The following TH variants were observed in gnomAD, a reference collection of about 807,000 sequenced individuals.
The protein encoded by TH is tyrosine hydroxylase.
TH carries 49 observed loss-of-function variants against 57.4 expected under a neutral mutation model. The ratio of observed to expected loss-of-function variants is 0.85; its 90% CI spans 0.68 to 1.08. The LOEUF (loss-of-function observed/expected upper bound fraction) is 1.08, where lower values mean the gene tolerates loss of function less well. Ranked by LOEUF, TH falls within the 50% of genes least tolerant of loss-of-function variation. The pLI is 0.00. For synonymous variants in TH, 330 were observed against 304.5 expected, an observed-to-expected ratio of 1.08 and a Z score of -0.87; for missense variants, 720 against 696.7, an observed-to-expected ratio of 1.03 and a Z score of -0.38.
chr11:2,165,140 C>A, intron 12 of TH, 92 bp downstream of exon 12: 1 of 1,596,080 alleles, frequency 6.3e-7, no homozygotes, highest in Non-Finnish European at 8.6e-7. Context: ...GACCTGGGCT[C>A]ACAGGTCCAG....
Position 2,166,942 on chromosome 11 carries a change from G to T in TH, c.786C>A (p.Ser262Arg). ...LEAFALLERF[S>R]GYREDNIPQL... is the part of the protein sequence containing the mutation. ...GGGGGATATTGTCTTCCCGGTAGCC[G>T]CTGAAGCGCTCCAGCAAAGCAAAGG... Residue 262 changes from serine to arginine, a missense_variant, in exon 7 of 13, where the codon AGC (serine) becomes AGA (arginine). Coordinates refer to ENST00000352909, the MANE Select transcript of TH (RefSeq NM_000360.4). 1.9e-6 allele frequency: 3 copies of T among 1,598,520 alleles called. No homozygotes were observed. Among genetic ancestry groups the T allele is most frequent in the Admixed American group, 1.7e-5 (1 of 58,002 alleles).
chr11:2,165,498 C>A (rs947746106), intron 11 of TH, 133 bp from the exon 12 acceptor site: 4 of 1,453,430 alleles, frequency 2.8e-6, no homozygotes, highest in Non-Finnish European at 3.8e-6. Flanking sequence ...CCTTCGGAGG[C>A]CTGGGATAAT....
At chr11:2,167,084 A>AGG (rs1846119513) in intron 6 of TH, 52 bp from the exon 7 acceptor site, 1 of 1,547,690 alleles carries the variant, frequency 6.5e-7, no homozygotes, top group African/African-American at 1.4e-5. Flanking sequence ...AGTGCCCGAA[A>AGG]CCCCCCTCCT....
At chr11:2,168,314 C>A (rs1006933836) in intron 3 of TH, 135 bp from the exon 4 acceptor site, 6 of 1,348,842 alleles carry the variant, frequency 4.4e-6, no homozygotes, top group Middle Eastern at 1.9e-4. Context: ...CGGGGGGATC[C>A]TGGAGTGGCC....
chr11:2,165,884 G>A (rs1301206984), intron 10 of TH, 118 bp downstream of exon 10: 3 of 1,495,546 alleles, frequency 2.0e-6, no homozygotes, highest in Non-Finnish European at 2.7e-6. Context: ...GCAGGCCAGG[G>A]TGAGGGTCAC....
chr11:2,165,566 G>T, intron 11 of TH, 102 bp downstream of exon 11: 1 of 1,363,540 alleles, frequency 7.3e-7, no homozygotes, highest in Non-Finnish European at 1.0e-6. Context: ...GAGTCCTGGA[G>T]GTCCAGGCCT....
At position 2,165,338 on chromosome 11, in the gene TH, G is replaced by T. The variant is rs575326605; in HGVS notation, c.1228C>A (p.Arg410=). Residue 410 remains arginine, a synonymous_variant, in exon 12 of 13, where the codon CGG becomes AGG. Coordinates refer to ENST00000352909, the MANE Select transcript of TH (RefSeq NM_000360.4). ...LHCLSEEPEI[R]AFDPEAAAVQ... ...GCCGCAGCCTCAGGGTCGAAGGCCC[G>T]AATCTCAGGCTCCTCAGACAGGCAG... 2.0e-5 allele frequency: 33 copies of T among 1,611,846 alleles called. No individual in the cohort carries two copies. In the East Asian group the frequency reaches 2.5e-4, roughly 12 times the overall value.
chr11:2,170,356 C>T lies in TH; in HGVS notation c.91-485G>A, dbSNP rs113717652. Among the ~76,000 whole-genome samples, 7 of 152,170 alleles carry T rather than the reference C, an allele frequency of 4.6e-5. No individual in the cohort carries two copies. In the East Asian group the frequency reaches 1.4e-3, roughly 30 times the overall value. On this transcript the variant is annotated intron_variant, in intron 1 of 12. Transcript: ENST00000352909. The surrounding 1 kb of genome is among the most constrained non-coding windows in gnomAD (Gnocchi z 6.0). ...CGCACAGGGGACCCTTTCTCACACT[C>T]CCATCAGGACACCTGTCCTCGGGCC...
chr11:2,169,731 C>G lies in TH; in HGVS notation c.231G>C (p.Glu77Asp). Residue 77 changes from glutamate to aspartate, a missense_variant, in exon 2 of 13, where the codon GAG becomes GAC. Glu to Asp is a conservative substitution (Grantham distance 45, BLOSUM62 2). Coordinates refer to ENST00000352909, the MANE Select transcript of TH (RefSeq NM_000360.4). ...PLEAVAFEEK[E>D]GKAVLNLLFS... ...AGAGCAGGTTTAGCACGGCCTTCCC[C>G]TCCTTCTCCTCAAAGGCCACAGCCT... is the stretch of plus-strand genomic sequence containing the variant. 1.9e-6 allele frequency: 3 copies of G among 1,612,940 alleles called. No individual in the cohort carries two copies. The highest frequency in any genetic ancestry group is 2.5e-6 in the Non-Finnish European group (3 of 1,179,870).
In TH at chr11:2,166,977, G is replaced by A. The variant is rs1465348792; in HGVS notation, c.751C>T (p.His251Tyr). ...TCCAGCAAAGCAAAGGCCTCCAGGT[G>A]CTCCCCGCAGGCGTGCGTGGCGTAG... Reference protein sequence around the residue: ...GLYATHACGEHLEAFALLERF... With the variant: ...GLYATHACGEYLEAFALLERF... Residue 251 changes from histidine (H) to tyrosine (Y), a missense_variant, in exon 7 of 13, where the codon CAC becomes TAC. Coordinates refer to ENST00000352909, the MANE Select transcript of TH (RefSeq NM_000360.4). 5.7e-6 allele frequency: 9 copies of A among 1,592,912 alleles called. No homozygotes were observed. Among genetic ancestry groups the A allele is most frequent in the Non-Finnish European group, 7.7e-6 (9 of 1,170,408 alleles).
Position 2,170,314 on chromosome 11 carries a change from C to T in TH, c.91-443G>A, listed in dbSNP as rs1022051981. On this transcript the variant is annotated intron_variant, in intron 1 of 12. Transcript: ENST00000352909. This position sits in a 1 kb window ranked among gnomAD's most constrained non-coding sequence, Gnocchi z 6.0. Reference sequence around the variant, plus strand: ...CCACAGGGCCCCAGTGAACAACCCCCCTACCCTCCTGGCTGCCGCACAGGG... The same window carrying T: ...CCACAGGGCCCCAGTGAACAACCCCTCTACCCTCCTGGCTGCCGCACAGGG... Among the ~76,000 whole-genome samples, 5 of 152,138 alleles carry T rather than the reference C, an allele frequency of 3.3e-5. No homozygotes were observed. The highest frequency in any genetic ancestry group is 5.9e-5 in the Non-Finnish European group (4 of 68,004).
chr11:2,167,896 A>G lies in TH; in HGVS notation c.614T>C (p.Leu205Pro), dbSNP rs121917763. The change falls in exon 5 of 13, where the codon CTG becomes CCG. Residue 205 changes from leucine (L) to proline (P), a missense_variant. By Grantham distance (98) the Leu-to-Pro change is moderately conservative. Coordinates refer to ENST00000352909, the MANE Select transcript of TH (RefSeq NM_000360.4). Reference sequence around the variant, plus strand: ...GTACTGGAAGGCGATCTCAGCAATCAGCTTCCTGCGCTGGCGGTACACCTG... The same window carrying G: ...GTACTGGAAGGCGATCTCAGCAATCGGCTTCCTGCGCTGGCGGTACACCTG... The part of the protein sequence containing the change: ...SDQVYRQRRK[L>P]IAEIAFQYRH... The G allele has an allele frequency of 4.3e-6, 7 of 1,610,598 alleles. No homozygotes were observed. The highest frequency in any genetic ancestry group is 1.3e-5 in the African/African-American group (1 of 74,880).
chr11:2,164,364 A>C lies in TH; in HGVS notation c.1363T>G (p.Phe455Val), dbSNP rs1846023697. The change falls in exon 13 of 13, where the codon TTC becomes GTC. Residue 455 changes from phenylalanine to valine, a missense_variant. Coordinates refer to ENST00000352909, the MANE Select transcript of TH (RefSeq NM_000360.4). ...RSYASRIQRP[F>V]SVKFDPYTLA... is the part of the protein sequence containing the mutation. ...GTGTACGGGTCGAACTTCACGGAGA[A>C]GGGGCGCTGGATGCGTGAGGCATAG... 6.4e-7 allele frequency: 1 copy of C among 1,551,984 alleles called. No homozygotes were observed. Among genetic ancestry groups the C allele is most frequent in the East Asian group, 2.4e-5 (1 of 41,940 alleles).
chr11:2,166,493 G>C lies in TH; in HGVS notation c.1034C>G (p.Ala345Gly). 2 of 1,592,700 alleles carry C rather than the reference G, an allele frequency of 1.3e-6. No homozygotes were observed. Among genetic ancestry groups the C allele is most frequent in the Non-Finnish European group, 1.7e-6 (2 of 1,175,324 alleles). ...HVPMLADRTFAQFSQDIGLAS... is the reference protein window; with the variant it reads ...HVPMLADRTFGQFSQDIGLAS... Reference sequence around the variant, plus strand: ...GCCGCGGCGTACCTGCGAGAACTGCGCGAAGGTGCGGTCGGCCAGCATGGG... The same window carrying C: ...GCCGCGGCGTACCTGCGAGAACTGCCCGAAGGTGCGGTCGGCCAGCATGGG... Residue 345 changes from alanine (A) to glycine (G), a missense_variant, in exon 9 of 13, where the codon GCG becomes GGG. Ala to Gly is a moderately conservative substitution (Grantham distance 60, BLOSUM62 0). Transcript: ENST00000352909.
At chr11:2,165,521 C>T in intron 11 of TH, 147 bp downstream of exon 11, 1 of 1,367,382 alleles carries the variant, frequency 7.3e-7, no homozygotes. Flanking sequence ...GGGGTGAGGA[C>T]TGGGCAGAGA....
At chr11:2,168,762 T>C in intron 2 of TH, 97 bp from the exon 3 acceptor site, 1 of 1,393,468 alleles carries the variant, frequency 7.2e-7, no homozygotes, top group South Asian at 1.2e-5. Context: ...TCTGGCTGGC[T>C]GGCCAGGCCC....
chr11:2,166,039 A>G lies in TH; in HGVS notation c.1067T>C (p.Leu356Pro), dbSNP rs1185261281. The G allele has an allele frequency of 1.3e-6, 2 of 1,558,428 alleles. No homozygotes were observed. Among genetic ancestry groups the G allele is most frequent in the Admixed American group, 3.9e-5 (2 of 51,318 alleles). Residue 356 changes from leucine (L) to proline (P), a missense_variant, in exon 10 of 13, where the codon CTG becomes CCG. By Grantham distance (98) the Leu-to-Pro change is moderately conservative. Coordinates refer to ENST00000352909, the MANE Select transcript of TH (RefSeq NM_000360.4). ...CTCAATTTCCTCATCCGAGGCCCCCAGGGACGCCAGGCCAATGTCCTGTGG... is the reference window on the plus strand; with the variant it reads ...CTCAATTTCCTCATCCGAGGCCCCCGGGGACGCCAGGCCAATGTCCTGTGG... ...QFSQDIGLAS[L>P]GASDEEIEKL...
rs762094071 is a variant in TH at position 2,167,503 on chromosome 11, G to A, written c.645-18C>T. ...GGTCGCCGCTGGGGAGGGGGCCAGTGGTCAGCAGGTCCCCTCGGGGAGTGA... is the reference window on the plus strand; with the variant it reads ...GGTCGCCGCTGGGGAGGGGGCCAGTAGTCAGCAGGTCCCCTCGGGGAGTGA... On this transcript the variant is annotated intron_variant, in intron 5 of 12. Coordinates refer to ENST00000352909, the MANE Select transcript of TH (RefSeq NM_000360.4). The A allele has an allele frequency of 3.2e-5, 49 of 1,554,146 alleles. No individual in the cohort carries two copies. Among genetic ancestry groups the A allele is most frequent in the Non-Finnish European group, 4.3e-5 (49 of 1,149,080 alleles).
In TH at chr11:2,168,666, C is replaced by T; in HGVS notation, c.313-1G>A. ...GATGGTGGATTTTGGCTTCAAACGT[C>T]TTAGGGAGCAAAAGCAGGAAGAGAG... On this transcript the variant is annotated splice_acceptor_variant, in intron 2 of 12. Coordinates refer to ENST00000352909, the MANE Select transcript of TH (RefSeq NM_000360.4). LOFTEE classifies it high-confidence loss of function. The T allele has an allele frequency of 7.0e-7, 1 of 1,437,480 alleles. No homozygotes were observed. Among genetic ancestry groups the T allele is most frequent in the Non-Finnish European group, 9.3e-7 (1 of 1,074,898 alleles). 89.0% of individuals were successfully genotyped at this position (1,437,480 alleles called of 1,614,324 possible).
Sources: gnomAD v4.1 joint callset for allele counts (sites outside exome capture counted in the v4.1 genomes callset) on GRCh38, gnomAD v4.1.1 for gene constraint, Gnocchi (gnomAD v3.1) non-coding constraint, MANE v1.5 for transcripts, NCBI Gene and HGNC (gene_info 2026-07-23, HGNC 2026-07-21) for gene names.